Variants in DNAH3 observed in about 807,000 individuals in gnomAD.
DNAH3 encodes the protein axonemal beta dynein heavy chain 3.
Under a neutral mutation model 432.5 loss-of-function variants are expected in DNAH3, and 332 were observed. The observed-to-expected ratio is 0.77, with a 90% CI of 0.70 to 0.84. DNAH3 has a LOEUF of 0.84. Among genes scored for constraint, DNAH3 ranks in the 40% least tolerant of loss-of-function variants. DNAH3 has a pLI of 0.00. For missense variants in DNAH3, 4,861 were observed against 5,114.0 expected, an observed-to-expected ratio of 0.95 and a Z score of 1.51; for synonymous variants, 1,956 against 1,900.2, an observed-to-expected ratio of 1.03 and a Z score of -0.76.
At chr16:20,977,428 G>T (rs2085646380) in intron 50 of DNAH3, among the ~76,000 whole-genome samples, 1 of 152,154 alleles carries the variant, frequency 6.6e-6, no homozygotes, top group Admixed American at 6.6e-5. Context: ...TTTTCCTGAT[G>T]CAGAGCTAGA....
At chr16:20,936,910 A>T in intron 59 of DNAH3, 57 bp from the exon 60 acceptor site, 1 of 1,409,992 alleles carries the variant, frequency 7.1e-7, no homozygotes, top group South Asian at 1.2e-5. Flanking sequence ...ATTCTACCCA[A>T]GTCCACTGAC....
rs771791969 is a variant in DNAH3, at chr16:21,040,358, A to ATCTTTTTTTTTTTTTTTTT, written c.4639-416_4639-415insAAAAAAAAAAAAAAAAAGA. On this transcript the variant is annotated intron_variant, in intron 32 of 61. Coordinates refer to ENST00000261383, the Ensembl canonical transcript of DNAH3. Reference sequence around the variant, plus strand: ...TCAGAAGAATCCCAAAGCCAGACAGATTTTTTTTTTTTTTTTTTTTTTTTT... The same window carrying ATCTTTTTTTTTTTTTTTTT: ...TCAGAAGAATCCCAAAGCCAGACAGATCTTTTTTTTTTTTTTTTTTTTTTTTTTTTTTTTTTTTTTTTTT... 7.4e-4 allele frequency among the ~76,000 whole-genome samples: 59 copies of ATCTTTTTTTTTTTTTTTTT among 79,742 alleles called. 11 individuals carry two copies. Among genetic ancestry groups the ATCTTTTTTTTTTTTTTTTT allele is most frequent in the African/African-American group, 3.2e-3 (57 of 17,758 alleles). 52.3% of individuals were successfully genotyped at this position (79,742 alleles called of 152,430 possible). A position where few individuals can be genotyped will look rare whatever the true frequency, so the allele number is the denominator to read the frequency against.
chr16:21,017,844 C>A (rs2087938828), intron 41 of DNAH3, among the ~76,000 whole-genome samples: 2 of 152,038 alleles, frequency 1.3e-5, no homozygotes, highest in African/African-American at 4.8e-5. Context: ...TATTATGAAA[C>A]ATAATAATGT....
At chr16:20,969,179 T>A (rs1037218860) in intron 52 of DNAH3, among the ~76,000 whole-genome samples, 45 of 151,892 alleles carry the variant, frequency 3.0e-4, no homozygotes, top group African/African-American at 1.1e-3. Context: ...CCTTTGGGTG[T>A]ATATGCATGT....
At chr16:21,019,050 T>A (rs1249407196) in intron 41 of DNAH3, 4 of 152,084 alleles carry the variant, frequency 2.6e-5, no homozygotes, top group Non-Finnish European at 5.9e-5. Flanking sequence ...ATAGGTAATT[T>A]TTGCAAAAAT....
intron 12 of DNAH3, among the ~76,000 whole-genome samples, chr16:21,116,611 G>C (rs1034422638): frequency 2.6e-5 from 4 of 152,136 alleles, no homozygotes; most frequent in African/African-American, 9.7e-5. Context: ...CGTGAGAACG[G>C]ACTATACATA....
chr16:21,066,268 T>C (rs913656005), intron 24 of DNAH3, among the ~76,000 whole-genome samples: 24 of 152,158 alleles, frequency 1.6e-4, no homozygotes, highest in African/African-American at 5.8e-4. Context: ...ACATCCTAAG[T>C]GGGGTCAAAT....
chr16:21,157,025 A>AC (rs2092902716), intron 1 of DNAH3, among the ~76,000 whole-genome samples: 2 of 151,370 alleles, frequency 1.3e-5, no homozygotes, highest in Non-Finnish European at 2.9e-5. Flanking sequence ...ACACACACAC[A>AC]ATCTTTTCCT....
intron 1 of DNAH3, among the ~76,000 whole-genome samples, chr16:21,156,762 T>C (rs976312221): frequency 8.6e-5 from 13 of 152,024 alleles, no homozygotes; most frequent in African/African-American, 3.1e-4. Flanking sequence ...GGAGAGATGC[T>C]AGGATCCCAG....
intron 41 of DNAH3, among the ~76,000 whole-genome samples, chr16:21,005,660 T>C (rs901162971): frequency 6.6e-6 from 1 of 150,824 alleles, no homozygotes; most frequent in Non-Finnish European, 1.5e-5. Flanking sequence ...ATTACAGGCA[T>C]GAGCCACCAT....
At chr16:21,133,962 A>G (rs1452481912) in intron 7 of DNAH3, among the ~76,000 whole-genome samples, 1 of 152,226 alleles carries the variant, frequency 6.6e-6, no homozygotes, top group Non-Finnish European at 1.5e-5. Context: ...ATATGCCTGT[A>G]AAGCAGCAGA....
chr16:21,087,874 G>A (rs2091426626), intron 18 of DNAH3, among the ~76,000 whole-genome samples: 1 of 152,144 alleles, frequency 6.6e-6, no homozygotes, highest in South Asian at 2.1e-4. Context: ...CTCCAGCCTG[G>A]ACAACAGAGT....
chr16:20,964,738 A>G (rs1250602605), exon 53 of DNAH3: 9 of 1,614,014 alleles, frequency 5.6e-6, no homozygotes, highest in African/African-American at 2.7e-5. Flanking sequence ...ACGGATTTTT[A>G]TGGGATCCCC....
chr16:21,059,401 G>A (rs1342261653), intron 26 of DNAH3, among the ~76,000 whole-genome samples: 1 of 152,138 alleles, frequency 6.6e-6, no homozygotes, highest in Non-Finnish European at 1.5e-5. Context: ...GGGACAGCAG[G>A]GTCAGTCCCC....
intron 8 of DNAH3, among the ~76,000 whole-genome samples, chr16:21,125,929 T>C (rs2092437810): frequency 6.6e-6 from 1 of 152,102 alleles, no homozygotes; most frequent in Non-Finnish European, 1.5e-5. Context: ...GGCAGATCAC[T>C]TGAGGCCAGG....
intron 44 of DNAH3, among the ~76,000 whole-genome samples, chr16:20,989,709 G>A (rs1172144634): frequency 6.6e-6 from 1 of 152,248 alleles, no homozygotes; most frequent in African/African-American, 2.4e-5. Context: ...GCTCGTCGGG[G>A]AGGCTTGGGC....
At chr16:20,984,029 G>GAAAAAAAAAAAAAAAAAAAAAAAAA (rs61475224) in intron 48 of DNAH3, among the ~76,000 whole-genome samples, 2 of 112,156 alleles carry the variant, frequency 1.8e-5, no homozygotes, top group African/African-American at 6.9e-5. Flanking sequence ...CCTATATCCA[G>GAAAAAAAAAAAAAAAAAAAAAAAAA]AAAAAAAAAA....
At chr16:20,974,579 G>GTTTTTTTTTTT (rs752437227) in intron 51 of DNAH3, among the ~76,000 whole-genome samples, 22 of 81,840 alleles carry the variant, frequency 2.7e-4, no homozygotes, top group Non-Finnish European at 3.6e-4. Flanking sequence ...GTTTTATAGT[G>GTTTTTTTTTTT]TTTTTTTTTT....
chr16:21,036,415 C>A (rs2089171348), intron 35 of DNAH3, among the ~76,000 whole-genome samples: 1 of 152,030 alleles, frequency 6.6e-6, no homozygotes, highest in Admixed American at 6.6e-5. Flanking sequence ...ACCTCCATTT[C>A]TTTCTTCTTT....
Sources: allele counts gnomAD v4.1 joint callset (sites outside exome capture counted in the v4.1 genomes callset), GRCh38; gene constraint gnomAD v4.1.1; transcripts MANE v1.5; gene names NCBI Gene and HGNC (gene_info 2026-07-23, HGNC 2026-07-21).